The following LRIG1 variants were observed in gnomAD, a reference collection of about 807,000 sequenced individuals.
The protein encoded by LRIG1 is leucine-rich repeats and immunoglobulin-like domains protein 1.
LRIG1 carries 48 observed loss-of-function variants against 99.2 expected under a neutral mutation model. The observed-to-expected ratio is 0.48, with a 90% CI of 0.38 to 0.62. LRIG1 has a LOEUF of 0.62. Among genes scored for constraint, LRIG1 ranks in the 20% least tolerant of loss-of-function variants. LRIG1 has a pLI of 0.00. For missense variants in LRIG1, 1,646 were observed against 1,434.4 expected (o/e 1.15, Z -2.38); for synonymous variants, 772 against 596.1 (o/e 1.29, Z -4.30).
At chr3:66,417,984 C>T (rs1702667090) in intron 3 of LRIG1, among the ~76,000 whole-genome samples, 1 of 152,118 alleles carries the variant, frequency 6.6e-6, no homozygotes, top group African/African-American at 2.4e-5. Flanking sequence ...AGGGACGATC[C>T]AGCCTAAAAC....
intron 1 of LRIG1, among the ~76,000 whole-genome samples, chr3:66,467,293 T>G (rs1700494327): frequency 6.6e-6 from 1 of 152,170 alleles, no homozygotes; most frequent in South Asian, 2.1e-4. Flanking sequence ...GCTATTTACA[T>G]GTATATTTAA....
chr3:66,442,915 G>C (rs569686142), intron 3 of LRIG1, among the ~76,000 whole-genome samples: 136 of 152,098 alleles, frequency 8.9e-4, no homozygotes, highest in Non-Finnish European at 1.5e-3. Flanking sequence ...CTCAGCAAAT[G>C]ACTTGCAGAT....
At chr3:66,384,819 G>T (rs967125206) in intron 13 of LRIG1, among the ~76,000 whole-genome samples, 8 of 152,294 alleles carry the variant, frequency 5.3e-5, no homozygotes, top group African/African-American at 1.9e-4. Context: ...AGCTTGCTCA[G>T]CCTAAAGATC....
intron 1 of LRIG1, among the ~76,000 whole-genome samples, chr3:66,487,980 T>C (rs1318632649): frequency 6.6e-6 from 1 of 152,102 alleles, no homozygotes; most frequent in Admixed American, 6.5e-5. Context: ...AACTCCAAAT[T>C]CCAAGAATTT....
chr3:66,451,805 A>G (rs895183263), intron 2 of LRIG1, among the ~76,000 whole-genome samples, 172 bp from the exon 3 acceptor site: 1 of 152,202 alleles, frequency 6.6e-6, no homozygotes, highest in African/African-American at 2.4e-5. Context: ...AAGAAGTCAC[A>G]TGAGATCACA....
intron 1 of LRIG1, among the ~76,000 whole-genome samples, chr3:66,489,525 A>ATG (rs56128311): frequency 0.015 from 2,293 of 150,362 alleles, 45 homozygotes; most frequent in East Asian, 0.049. Flanking sequence ...CTTTGTGTGT[A>ATG]TGTGTGTGTG....
chr3:66,401,959 C>A (rs1289546535), intron 9 of LRIG1, among the ~76,000 whole-genome samples: 1 of 152,186 alleles, frequency 6.6e-6, no homozygotes, highest in African/African-American at 2.4e-5. Context: ...TTGGAAGTAG[C>A]CGCGACATGT....
chr3:66,383,083 G>C lies in LRIG1; in HGVS notation c.2390C>G (p.Thr797Ser). ...RKDGTTVGIF[T>S]IAVVSSIVLT... is the part of the protein sequence containing the mutation. ...GACGATGCTGCTCACGACAGCAATG[G>C]TGAAGATGCCTACCGTGGTCCCATC... Residue 797 changes from threonine to serine, a missense_variant, in exon 15 of 19, where the codon ACC becomes AGC. Transcript: ENST00000273261. 1 of 1,614,254 alleles carries C rather than the reference G, an allele frequency of 6.2e-7. No homozygotes were observed. Among genetic ancestry groups the C allele is most frequent in the Non-Finnish European group, 8.5e-7 (1 of 1,180,038 alleles).
chr3:66,394,235 T>C, intron 11 of LRIG1, 32 bp from the exon 12 acceptor site: 1 of 1,536,246 alleles, frequency 6.5e-7, no homozygotes, highest in South Asian at 1.3e-5. Context: ...ATGCTTCAGG[T>C]GCAGCCGCAA....
At chr3:66,452,372 C>T (rs967312760) in intron 2 of LRIG1, among the ~76,000 whole-genome samples, 2 of 152,222 alleles carry the variant, frequency 1.3e-5, no homozygotes, top group African/African-American at 4.8e-5. Flanking sequence ...AAGCACGGCT[C>T]GCCTGGTCTG....
intron 1 of LRIG1, among the ~76,000 whole-genome samples, chr3:66,481,520 TAC>T (rs35420784): frequency 0.014 from 2,165 of 149,352 alleles, 33 homozygotes; most frequent in African/African-American, 0.037. Context: ...AGGGTTTATG[TAC>T]ACACACACAC....
intron 9 of LRIG1, chr3:66,404,136 G>A: frequency 2.9e-6 from 2 of 692,254 alleles, no homozygotes; most frequent in Non-Finnish European, 4.5e-6. Flanking sequence ...AGCCAACAGA[G>A]CTTATTCCTA....
chr3:66,414,361 C>T (rs909048075), intron 5 of LRIG1, among the ~76,000 whole-genome samples: 1 of 151,820 alleles, frequency 6.6e-6, no homozygotes, highest in Non-Finnish European at 1.5e-5. Context: ...CACACCACTG[C>T]ACCCCACCTG....
At chr3:66,447,760 C>T (rs1703775729) in intron 3 of LRIG1, among the ~76,000 whole-genome samples, 1 of 152,194 alleles carries the variant, frequency 6.6e-6, no homozygotes, top group Admixed American at 6.5e-5. Context: ...TGTCACCAAT[C>T]TTCTCGACAG....
chr3:66,415,742 G>T (rs902277963), intron 4 of LRIG1, among the ~76,000 whole-genome samples: 4 of 152,226 alleles, frequency 2.6e-5, no homozygotes, highest in Non-Finnish European at 1.5e-5. Context: ...ACAGAAGTCT[G>T]CAGCTCAGAT....
At chr3:66,488,338 C>T (rs1701019869) in intron 1 of LRIG1, among the ~76,000 whole-genome samples, 1 of 151,820 alleles carries the variant, frequency 6.6e-6, no homozygotes, top group South Asian at 2.1e-4. Context: ...TAGAAAAAGC[C>T]ACAGCCGGGC....
At chr3:66,422,519 A>G (rs780950497) in intron 3 of LRIG1, among the ~76,000 whole-genome samples, 3 of 152,158 alleles carry the variant, frequency 2.0e-5, no homozygotes, top group Non-Finnish European at 2.9e-5. Flanking sequence ...CTAGTTCCCA[A>G]CAATTCCTCA....
At chr3:66,381,866 G>A (rs1701089683) in intron 16 of LRIG1, among the ~76,000 whole-genome samples, 1 of 152,086 alleles carries the variant, frequency 6.6e-6, no homozygotes, top group South Asian at 2.1e-4. Context: ...TCAGGCAAGT[G>A]CTCAGAGGCC....
At position 66,430,496 on chromosome 3, in the gene LRIG1, C is replaced by T. The variant is rs372685681; in HGVS notation, c.366-13230G>A. Among the ~76,000 whole-genome samples, 49 of 152,320 alleles carry T rather than the reference C, an allele frequency of 3.2e-4. 2 individuals are homozygous for T. In the South Asian group the frequency reaches 9.9e-3, roughly 31 times the overall value. On this transcript the variant is annotated intron_variant, in intron 3 of 18. Transcript: ENST00000273261. ...CCCTCACTCACTTCTAGCCACAGCT[C>T]GGCCCTGCCTGAGGTCCCCATCCAC...
Sources: allele counts gnomAD v4.1 joint callset (sites outside exome capture counted in the v4.1 genomes callset), GRCh38; gene constraint gnomAD v4.1.1; transcripts MANE v1.5; gene names NCBI Gene and HGNC (gene_info 2026-07-23, HGNC 2026-07-21).